The following PCTP variants were observed in gnomAD, a reference collection of about 807,000 sequenced individuals.
The protein encoded by PCTP is phosphatidylcholine transfer protein.
Under a neutral mutation model 31.0 loss-of-function variants are expected in PCTP, and 27 were observed. The observed-to-expected ratio is 0.87, with a 90% CI of 0.64 to 1.20. The LOEUF is 1.20. Ranked by LOEUF, PCTP falls within the 50% of genes most tolerant of loss-of-function variation. The probability of loss-of-function intolerance (pLI) is 0.00; values close to 1 mark genes in which losing one functional copy is unlikely to be tolerated. For synonymous variants in PCTP, 108 were observed against 101.2 expected (o/e 1.07, Z -0.40); for missense variants, 287 against 268.2 (o/e 1.07, Z -0.49).
chr17:55,804,470 C>A (rs963792696), intron 3 of PCTP, among the ~76,000 whole-genome samples: 3 of 152,090 alleles, frequency 2.0e-5, no homozygotes, highest in African/African-American at 7.2e-5. Flanking sequence ...AATCCAAATG[C>A]CCATAAATGA....
At chr17:55,766,714 G>C (rs1358555478) in intron 1 of PCTP, among the ~76,000 whole-genome samples, 1 of 152,092 alleles carries the variant, frequency 6.6e-6, no homozygotes, top group Non-Finnish European at 1.5e-5. Flanking sequence ...TAGAGCCGCA[G>C]TAAACATATG....
At chr17:55,784,443 T>C (rs1431056085) in intron 2 of PCTP, among the ~76,000 whole-genome samples, 1 of 152,046 alleles carries the variant, frequency 6.6e-6, no homozygotes, top group African/African-American at 2.4e-5. Context: ...CCAATTGCAG[T>C]GTAATAATAA....
chr17:55,815,591 G>A (rs1912890486), intron 3 of PCTP, among the ~76,000 whole-genome samples: 1 of 152,212 alleles, frequency 6.6e-6, no homozygotes, highest in Non-Finnish European at 1.5e-5. Context: ...TAGGTGTGGG[G>A]ATGGTGCTCT....
intron 3 of PCTP, among the ~76,000 whole-genome samples, chr17:55,819,524 G>T (rs546101541): frequency 6.6e-6 from 1 of 152,116 alleles, no homozygotes; most frequent in Non-Finnish European, 1.5e-5. Context: ...AGGAGAGTGG[G>T]AGGATCATTT....
chr17:55,816,030 T>G (rs543388520), intron 3 of PCTP, among the ~76,000 whole-genome samples: 206 of 152,312 alleles, frequency 1.4e-3, no homozygotes, highest in South Asian at 8.9e-3. Flanking sequence ...CTACCTGAAA[T>G]TACTAACATT....
downstream of PCTP, among the ~76,000 whole-genome samples, chr17:55,847,184 A>T (rs143592572): frequency 1.1e-3 from 175 of 152,374 alleles, 1 homozygote; most frequent in Middle Eastern, 3.4e-3. Context: ...TCTTATGGTC[A>T]TTTAAAAATA....
downstream of PCTP, among the ~76,000 whole-genome samples, chr17:55,824,261 C>G (rs1174527813): frequency 2.6e-5 from 4 of 152,012 alleles, no homozygotes; most frequent in Non-Finnish European, 5.9e-5. Context: ...GTGTACCCAC[C>G]TGCCTGTTAA....
chr17:55,785,370 G>A (rs1911709978), intron 2 of PCTP, among the ~76,000 whole-genome samples: 2 of 152,244 alleles, frequency 1.3e-5, no homozygotes. Flanking sequence ...CTTCTCAATA[G>A]AGCTTGGCAG....
chr17:55,751,361 G>A (rs1909699535), intron 1 of PCTP, 117 bp downstream of exon 1: 2 of 1,529,524 alleles, frequency 1.3e-6, no homozygotes, highest in South Asian at 1.2e-5. Context: ...CTCCGGCTCA[G>A]GAAGGAGCTC....
intron 3 of PCTP, chr17:55,822,716 G>A: frequency 8.8e-7 from 1 of 1,139,334 alleles, no homozygotes; most frequent in African/African-American, 1.6e-5. Context: ...AATTTTTGTG[G>A]CTGTACTTAC....
chr17:55,767,478 T>C (rs774614322), intron 2 of PCTP, 26 bp downstream of exon 2: 1 of 1,491,850 alleles, frequency 6.7e-7, no homozygotes. Flanking sequence ...TTTTCTTTTT[T>C]TTTTAGACGT....
At chr17:55,789,761 C>G (rs950318943) in intron 3 of PCTP, among the ~76,000 whole-genome samples, 1 of 152,160 alleles carries the variant, frequency 6.6e-6, no homozygotes, top group Non-Finnish European at 1.5e-5. Flanking sequence ...TGAAACTGTT[C>G]CAATCAGTAG....
At chr17:55,780,597 C>A (rs1911529295), downstream of PCTP, among the ~76,000 whole-genome samples, 2 of 152,158 alleles carry the variant, frequency 1.3e-5, 1 homozygote, top group South Asian at 4.1e-4. Flanking sequence ...TCATGTAGTC[C>A]ACTGCTTAGC....
At chr17:55,761,915 A>T (rs922704085) in intron 1 of PCTP, among the ~76,000 whole-genome samples, 3 of 152,162 alleles carry the variant, frequency 2.0e-5, no homozygotes, top group African/African-American at 7.2e-5. Flanking sequence ...TCAGATTTTT[A>T]AAAATAAATC....
chr17:55,781,318 C>G (rs1911557771), downstream of PCTP, among the ~76,000 whole-genome samples: 1 of 152,232 alleles, frequency 6.6e-6, no homozygotes, highest in East Asian at 1.9e-4. Context: ...TGTTGGAAAT[C>G]TTCCCCAACT....
chr17:55,793,352 C>A (rs538120016), intron 3 of PCTP, among the ~76,000 whole-genome samples: 1 of 152,050 alleles, frequency 6.6e-6, no homozygotes, highest in East Asian at 1.9e-4. Flanking sequence ...TTTCCTAACC[C>A]TTTAAATTTC....
intron 3 of PCTP, among the ~76,000 whole-genome samples, chr17:55,819,010 CAAAAAAAAAAAAA>C (rs56823756): frequency 1.4e-4 from 7 of 51,110 alleles, no homozygotes; most frequent in Non-Finnish European, 2.2e-4. Flanking sequence ...GGAAAGAAAT[CAAAAAAAAAAAAA>C]AAAAAAAAAA....
chr17:55,772,459 C>T (rs570147673), intron 3 of PCTP, among the ~76,000 whole-genome samples: 89 of 151,682 alleles, frequency 5.9e-4, no homozygotes, highest in African/African-American at 3.1e-4. Flanking sequence ...GTGTGGTGGG[C>T]GCCTGCAATC....
At chr17:55,757,198 G>A (rs1910076102) in intron 1 of PCTP, among the ~76,000 whole-genome samples, 2 of 150,260 alleles carry the variant, frequency 1.3e-5, no homozygotes, top group Admixed American at 1.3e-4. Flanking sequence ...ACACACACAT[G>A]CTTGTGTGTG....
Sources: gnomAD v4.1 joint callset for allele counts (sites outside exome capture counted in the v4.1 genomes callset) on GRCh38, gnomAD v4.1.1 for gene constraint, MANE v1.5 for transcripts, NCBI Gene and HGNC (gene_info 2026-07-23, HGNC 2026-07-21) for gene names.